LTN1: variants seen among roughly 807,000 people sequenced by gnomAD.
The protein encoded by LTN1 is listerin E3 ubiquitin protein ligase 1.
In LTN1, 88 loss-of-function variants were observed where a neutral mutation model predicts 201.2. That is an observed-to-expected ratio of 0.44 (90% CI 0.37 to 0.52). The LOEUF (loss-of-function observed/expected upper bound fraction) is 0.52. Ranked by LOEUF, LTN1 falls within the 20% of genes least tolerant of loss-of-function variation. The pLI is 0.00. For missense variants in LTN1, 1,752 were observed against 2,038.7 expected (o/e 0.86, Z 2.71); for synonymous variants, 645 against 713.5 (o/e 0.90, Z 1.53).
Position 28,967,036 on chromosome 21 carries a change from G to T in LTN1, c.1455C>A (p.Asn485Lys). 6.2e-7 allele frequency: 1 copy of T among 1,614,072 alleles called. No homozygotes were observed. The highest frequency in any genetic ancestry group is 8.5e-7 in the Non-Finnish European group (1 of 1,180,016). The change falls in exon 10 of 30, where the codon AAC becomes AAA. Residue 485 changes from asparagine to lysine, a missense_variant. This residue lies in a region of LTN1 where 1,211 missense variants were observed against 1,312.8 expected (regional missense o/e 0.92). Transcript: ENST00000361371. The part of the protein sequence containing the change: ...KDEKTAHNLE[N>K]VLIHFWERLS... ...GTCTTTCCCAGAAATGTATCAGTAC[G>T]TTCTCCAAGTTGTGAGCTGTTTTTT...
At chr21:28,961,933 C>T (rs2084482717) in intron 11 of LTN1, among the ~76,000 whole-genome samples, 1 of 152,032 alleles carries the variant, frequency 6.6e-6, no homozygotes, top group African/African-American at 2.4e-5. Context: ...ATCACTTGAA[C>T]CCGGGAGGCA....
intron 29 of LTN1, 96 bp downstream of exon 29, chr21:28,931,059 T>C (rs932538558): frequency 8.7e-6 from 6 of 689,564 alleles, no homozygotes; most frequent in Non-Finnish European, 1.4e-5. Context: ...AAGTTAGACA[T>C]TGTGTAGGTG....
At position 28,956,935 on chromosome 21, in the gene LTN1, G is replaced by T. The variant is rs1226883801; in HGVS notation, c.2906C>A (p.Pro969His). ...CAAACTCAATCTTCCCTCTAAAAGA[G>T]GTCTATGTAACCACTGTGAAAAGAA... ...QSLPMQWLHR[P>H]LLEGRLSLNY... Residue 969 changes from proline to histidine, a missense_variant, in exon 16 of 30, where the codon CCT (proline) becomes CAT (histidine). Coordinates refer to ENST00000361371, the MANE Select transcript of LTN1 (RefSeq NM_015565.3). The T allele has an allele frequency of 1.3e-6, 2 of 1,596,056 alleles. No individual in the cohort carries two copies. Among genetic ancestry groups the T allele is most frequent in the Non-Finnish European group, 1.7e-6 (2 of 1,170,392 alleles).
At position 28,959,475 on chromosome 21, in the gene LTN1, T is replaced by C; in HGVS notation, c.2576A>G (p.Glu859Gly). Reference sequence around the variant, plus strand: ...GCTATTACCTGGCAAATGTGTTTTTTCTTTGCTCTGAGCACATAACTGAAA... The same window carrying C: ...GCTATTACCTGGCAAATGTGTTTTTCCTTTGCTCTGAGCACATAACTGAAA... ...TLFQLCAQSKEKTHLPDFLIC... is the reference protein window; with the variant it reads ...TLFQLCAQSKGKTHLPDFLIC... The change falls in exon 13 of 30, where the codon GAA becomes GGA. Residue 859 changes from glutamate (E) to glycine (G), a missense_variant. Glu to Gly is a moderately conservative substitution (Grantham distance 98). Coordinates refer to ENST00000361371, the MANE Select transcript of LTN1 (RefSeq NM_015565.3). 1 of 1,613,234 alleles carries C rather than the reference T, an allele frequency of 6.2e-7. No individual in the cohort carries two copies. Among genetic ancestry groups the C allele is most frequent in the South Asian group, 1.1e-5 (1 of 90,840 alleles).
At chr21:28,964,008 T>C (rs1180070401) in intron 11 of LTN1, among the ~76,000 whole-genome samples, 1 of 152,126 alleles carries the variant, frequency 6.6e-6, no homozygotes, top group Non-Finnish European at 1.5e-5. Context: ...GGATGAGGAG[T>C]TCCTTCTTAC....
intron 11 of LTN1, among the ~76,000 whole-genome samples, chr21:28,964,068 G>A (rs189612074): frequency 1.3e-5 from 2 of 152,304 alleles, no homozygotes; most frequent in Non-Finnish European, 2.9e-5. Flanking sequence ...GTGAAATGCC[G>A]TGAACATTGT....
At chr21:28,941,549 A>C in intron 24 of LTN1, 143 bp from the exon 25 acceptor site, 1 of 604,312 alleles carries the variant, frequency 1.7e-6, no homozygotes, top group East Asian at 3.0e-5. Context: ...TATTGAGCCA[A>C]TTTTAACTCC....
chr21:28,947,417 T>C (rs761482366), intron 19 of LTN1, 47 bp downstream of exon 19: 1 of 1,424,260 alleles, frequency 7.0e-7, no homozygotes, highest in South Asian at 1.4e-5. Flanking sequence ...GTTCTTCATC[T>C]CAAGCAATAA....
chr21:28,936,660 T>A lies in LTN1; in HGVS notation c.4520A>T (p.Lys1507Met). Reference sequence around the variant, plus strand: ...GTGATAGAGCAATTTATTCAAACTCTTTGTTTTCCGAAGATACATGGAATA... The same window carrying A: ...GTGATAGAGCAATTTATTCAAACTCATTGTTTTCCGAAGATACATGGAATA... ...ALYSMYLRKTKSLNKLLYHLF... is the reference protein window; with the variant it reads ...ALYSMYLRKTMSLNKLLYHLF... The change falls in exon 26 of 30, where the codon AAG becomes ATG. Residue 1507 changes from lysine (K) to methionine (M), a missense_variant. Lys to Met is a moderately conservative substitution (Grantham distance 95). Around this residue, in one of 3 missense-constraint regions of LTN1, gnomAD observed 261 missense variants for 350.1 expected, o/e 0.75. Transcript: ENST00000361371. 6.2e-7 allele frequency: 1 copy of A among 1,613,374 alleles called. No individual in the cohort carries two copies. Among genetic ancestry groups the A allele is most frequent in the Non-Finnish European group, 8.5e-7 (1 of 1,179,552 alleles).
intron 3 of LTN1, 77 bp from the exon 4 acceptor site, chr21:28,984,999 A>G (rs2084686460): frequency 3.1e-6 from 3 of 965,756 alleles, no homozygotes; most frequent in Middle Eastern, 2.9e-4. Flanking sequence ...ATATGCTATA[A>G]TGACCCATTA....
At position 28,930,145 on chromosome 21, in the gene LTN1, T is replaced by C. The variant is rs2084199671; in HGVS notation, c.*303A>G. 1 of 227,648 alleles carries C rather than the reference T, an allele frequency of 4.4e-6. No homozygotes were observed. The highest frequency in any genetic ancestry group is 1.3e-4 in the South Asian group (1 of 7,454). 14.1% of individuals were successfully genotyped at this position (227,648 alleles called of 1,614,324 possible). A position where few individuals can be genotyped will look rare whatever the true frequency, so the allele number is the denominator to read the frequency against. On this transcript the variant is annotated 3_prime_UTR_variant, in exon 30 of 30. Transcript: ENST00000361371. ...GCAATCTTTTCACAAATTCCAATTC[T>C]GTAATTTAGGGGTTTTTCATATTTA...
At chr21:28,930,739 A>C (rs1214324734) in intron 29 of LTN1, among the ~76,000 whole-genome samples, 1 of 152,188 alleles carries the variant, frequency 6.6e-6, no homozygotes, top group African/African-American at 2.4e-5. Context: ...AATCACTAAG[A>C]TATAAGAAAT....
At chr21:28,992,692 C>G in intron 1 of LTN1, 72 bp downstream of exon 1, 1 of 1,572,574 alleles carries the variant, frequency 6.4e-7, no homozygotes, top group Non-Finnish European at 8.7e-7. Flanking sequence ...ACACACCCTC[C>G]AGCAACGCGC....
intron 1 of LTN1, among the ~76,000 whole-genome samples, chr21:28,990,527 G>A (rs2084736454): frequency 6.6e-6 from 1 of 152,218 alleles, no homozygotes; most frequent in African/African-American, 2.4e-5. Flanking sequence ...GTTTGTGGAA[G>A]AGCAGGACAT....
intron 18 of LTN1, among the ~76,000 whole-genome samples, chr21:28,949,672 T>G (rs2084367859): frequency 6.6e-6 from 1 of 152,246 alleles, no homozygotes; most frequent in South Asian, 2.1e-4. Flanking sequence ...TGTCAGAATT[T>G]CTTTCCCTTT....
chr21:28,992,550 T>C (rs2084755896), intron 1 of LTN1, among the ~76,000 whole-genome samples: 3 of 152,202 alleles, frequency 2.0e-5, no homozygotes, highest in Admixed American at 1.3e-4. Context: ...AGGACAGCTC[T>C]GGCATGGTAC....
chr21:28,940,811 G>A (rs1204170022), intron 25 of LTN1, among the ~76,000 whole-genome samples: 1 of 152,140 alleles, frequency 6.6e-6, no homozygotes, highest in East Asian at 1.9e-4. Flanking sequence ...GATTAGGCTG[G>A]GCGCAGTGGC....
chr21:28,957,081 T>C, intron 15 of LTN1, 133 bp from the exon 16 acceptor site: 1 of 684,570 alleles, frequency 1.5e-6, no homozygotes. Context: ...TACAGGAAAT[T>C]ATCAACATGT....
intron 16 of LTN1, among the ~76,000 whole-genome samples, chr21:28,955,922 CAA>C (rs772350234): frequency 0.23 from 15,641 of 68,478 alleles, 744 homozygotes; most frequent in African/African-American, 0.37. Flanking sequence ...GACTCTGTCT[CAA>C]AAAAAAAAAA....
Sources: gnomAD v4.1 joint callset for allele counts (sites outside exome capture counted in the v4.1 genomes callset) on GRCh38, gnomAD v4.1.1 for gene constraint, gnomAD v4.1.1 regional missense constraint, MANE v1.5 for transcripts, NCBI Gene and HGNC (gene_info 2026-07-23, HGNC 2026-07-21) for gene names.